The following RASAL2 variants were observed in gnomAD, a reference collection of about 807,000 sequenced individuals.
RASAL2 encodes RAS protein activator like 2.
RASAL2 carries 58 observed loss-of-function variants against 128.9 expected under a neutral mutation model. That is an observed-to-expected ratio of 0.45 (90% CI 0.36 to 0.56). RASAL2 has a LOEUF of 0.56. Ranked by LOEUF, RASAL2 falls within the 20% of genes least tolerant of loss-of-function variation. The pLI, the probability that RASAL2 is intolerant of heterozygous loss-of-function variation, is 0.00. For missense variants in RASAL2, 1,360 were observed against 1,601.6 expected (o/e 0.85, Z 2.57); for synonymous variants, 561 against 580.8 (o/e 0.97, Z 0.49).
intron 1 of RASAL2, among the ~76,000 whole-genome samples, chr1:178,139,215 A>C (rs1379357120): frequency 6.6e-6 from 1 of 152,036 alleles, no homozygotes; most frequent in Non-Finnish European, 1.5e-5. Flanking sequence ...AGAATTGTTA[A>C]TCTCTAGTGG....
intron 3 of RASAL2, among the ~76,000 whole-genome samples, chr1:178,389,027 C>T (rs1672743625): frequency 6.6e-6 from 1 of 152,152 alleles, no homozygotes; most frequent in African/African-American, 2.4e-5. Flanking sequence ...AACGCTCTCT[C>T]TTAAGTGGAA....
chr1:178,123,870 G>A (rs1196918770), intron 1 of RASAL2: 1 of 152,270 alleles, frequency 6.6e-6, no homozygotes, highest in Non-Finnish European at 1.5e-5. Context: ...ATGGGGTTTT[G>A]TCATGTTGCC....
intron 5 of RASAL2, among the ~76,000 whole-genome samples, chr1:178,436,174 C>T (rs140248431): frequency 5.0e-4 from 76 of 152,226 alleles, no homozygotes; most frequent in African/African-American, 1.3e-3. Context: ...TTCCTGTTTA[C>T]TATAATCTTG....
chr1:178,440,728 AT>A (rs1289754948), intron 6 of RASAL2, among the ~76,000 whole-genome samples: 1 of 152,112 alleles, frequency 6.6e-6, no homozygotes, highest in Non-Finnish European at 1.5e-5. Flanking sequence ...ATAACAACAT[AT>A]TTCATTTTTA....
intron 3 of RASAL2, among the ~76,000 whole-genome samples, chr1:178,345,657 G>A (rs192941783): frequency 6.6e-6 from 1 of 152,058 alleles, no homozygotes; most frequent in Non-Finnish European, 1.5e-5. Flanking sequence ...AAGATGTCTG[G>A]GTCCCTACTT....
chr1:178,355,421 A>T (rs1670749157), intron 3 of RASAL2, among the ~76,000 whole-genome samples: 1 of 152,168 alleles, frequency 6.6e-6, no homozygotes, highest in Non-Finnish European at 1.5e-5. Flanking sequence ...TCATCTGGAG[A>T]TCCATATGGA....
chr1:178,195,723 G>C (rs189231445), intron 1 of RASAL2, among the ~76,000 whole-genome samples: 167 of 152,044 alleles, frequency 1.1e-3, no homozygotes, highest in Non-Finnish European at 1.7e-3. Flanking sequence ...TATGACATCA[G>C]AACTAAACAG....
rs1387024156 is a variant in RASAL2, at chr1:178,476,220, A to G, written c.*2981A>G. On this transcript the variant is annotated 3_prime_UTR_variant, in exon 18 of 18. Coordinates refer to ENST00000367649, the MANE Select transcript of RASAL2 (RefSeq NM_170692.4). ...TGGAATTCAGGTGAAGTGCTTGTAA[A>G]GTGCATGTCTAGCTGACAACAGACT... 2 of 152,254 alleles carry G rather than the reference A, an allele frequency of 1.3e-5. No homozygotes were observed. Among genetic ancestry groups the G allele is most frequent in the Non-Finnish European group, 2.9e-5 (2 of 68,058 alleles). The allele number at this position is 152,254 out of a possible 1,614,324, so 9.4% of individuals were successfully genotyped here. A position where few individuals can be genotyped will look rare whatever the true frequency, so the allele number is the denominator to read the frequency against.
At chr1:178,224,775 G>T (rs1663732581) in intron 1 of RASAL2, among the ~76,000 whole-genome samples, 1 of 152,110 alleles carries the variant, frequency 6.6e-6, no homozygotes, top group African/African-American at 2.4e-5. Flanking sequence ...AAAATAGGAA[G>T]TGACAACAGA....
chr1:178,214,233 C>T (rs917128688), intron 1 of RASAL2, among the ~76,000 whole-genome samples: 1 of 152,118 alleles, frequency 6.6e-6, no homozygotes, highest in Non-Finnish European at 1.5e-5. Flanking sequence ...ATCATCCTGC[C>T]ACTGCTCTCC....
At chr1:178,402,446 C>A (rs1673699638) in intron 4 of RASAL2, among the ~76,000 whole-genome samples, 1 of 151,076 alleles carries the variant, frequency 6.6e-6, no homozygotes, top group African/African-American at 2.4e-5. Flanking sequence ...ATAGTAAGGA[C>A]CAATTTGTTA....
At chr1:178,340,691 A>T (rs1412240356) in intron 3 of RASAL2, among the ~76,000 whole-genome samples, 2 of 152,166 alleles carry the variant, frequency 1.3e-5, no homozygotes, top group South Asian at 4.1e-4. Context: ...AGTTAAAAAA[A>T]TTTTGAGGAG....
chr1:178,175,026 A>C (rs1661836188), intron 1 of RASAL2, among the ~76,000 whole-genome samples: 1 of 152,158 alleles, frequency 6.6e-6, no homozygotes, highest in Non-Finnish European at 1.5e-5. Context: ...GATTACTGGG[A>C]ATAAGGAGGT....
chr1:178,417,618 A>G (rs10798608), intron 4 of RASAL2, among the ~76,000 whole-genome samples: 37,464 of 151,744 alleles, frequency 0.25, 7,436 homozygotes, highest in African/African-American at 0.55. Flanking sequence ...AAAATTAGCC[A>G]GGTGTGTAAT....
intron 2 of RASAL2, among the ~76,000 whole-genome samples, chr1:178,286,444 CTT>C (rs34078152): frequency 0.25 from 37,480 of 151,848 alleles, 7,245 homozygotes; most frequent in African/African-American, 0.54. Flanking sequence ...GAGTCTCTCT[CTT>C]GTTTCTCAAG....
At chr1:178,145,554 CAA>C (rs10645696) in intron 1 of RASAL2, among the ~76,000 whole-genome samples, 4 of 123,920 alleles carry the variant, frequency 3.2e-5, no homozygotes, top group African/African-American at 6.2e-5. Flanking sequence ...GTGACTTTGA[CAA>C]AAAAAAAAAA....
intron 1 of RASAL2, among the ~76,000 whole-genome samples, chr1:178,116,145 C>T (rs1204870982): frequency 1.3e-5 from 2 of 152,132 alleles, no homozygotes. Context: ...CTTGCTTTTC[C>T]CTCCTGACTA....
At chr1:178,223,865 A>G (rs1405190747) in intron 1 of RASAL2, among the ~76,000 whole-genome samples, 1 of 152,118 alleles carries the variant, frequency 6.6e-6, no homozygotes, top group Non-Finnish European at 1.5e-5. Flanking sequence ...GTGATAACTA[A>G]GGTTTGGGGC....
At chr1:178,321,565 C>T (rs1013275644) in intron 3 of RASAL2, among the ~76,000 whole-genome samples, 4 of 151,762 alleles carry the variant, frequency 2.6e-5, no homozygotes, top group Non-Finnish European at 4.4e-5. Context: ...AGTGCAGTGG[C>T]GCATGGCATG....
Sources: gnomAD v4.1 joint callset for allele counts (sites outside exome capture counted in the v4.1 genomes callset) on GRCh38, gnomAD v4.1.1 for gene constraint, MANE v1.5 for transcripts, NCBI Gene and HGNC (gene_info 2026-07-23, HGNC 2026-07-21) for gene names.